Variants in STX16 observed in about 807,000 individuals in gnomAD.
STX16 encodes the protein syntaxin 16, also known as syntaxin-16.
STX16 carries 28 observed loss-of-function variants against 42.7 expected under a neutral mutation model. The observed-to-expected ratio is 0.66, with a 90% confidence interval of 0.49 to 0.90. STX16 has a LOEUF of 0.90. STX16 is among the 40% of genes least tolerant of loss of function. The probability of loss-of-function intolerance (pLI) is 0.00; values close to 1 mark genes in which losing one functional copy is unlikely to be tolerated. For synonymous variants in STX16, 156 were observed against 155.2 expected (o/e 1.00, Z -0.04); for missense variants, 361 against 420.9 (o/e 0.86, Z 1.24).
chr20:58,653,663 TA>T (rs2083523177), intron 1 of STX16, among the ~76,000 whole-genome samples: 1 of 152,234 alleles, frequency 6.6e-6, no homozygotes, highest in African/African-American at 2.4e-5. Flanking sequence ...TTCAATTCCT[TA>T]ATGGAACTTC....
Position 58,668,117 on chromosome 20 carries a change from A to C in STX16, c.383A>C (p.Glu128Ala), listed in dbSNP as rs756787371. ...CATGCCATTGAGATAACTACCCAAG[A>C]GATCACTCAGGTGAGGAGTGCAAGT... ...EEHAIEITTQ[E>A]ITQLFHRCQR... The change falls in exon 4 of 9, where the codon GAG becomes GCG. Residue 128 changes from glutamate (E) to alanine (A), a missense_variant. Glu to Ala is a moderately radical substitution (Grantham distance 107, BLOSUM62 -1). Transcript: ENST00000371141. 10 of 1,614,120 alleles carry C rather than the reference A, an allele frequency of 6.2e-6. No individual in the cohort carries two copies. Among genetic ancestry groups the C allele is most frequent in the Non-Finnish European group, 7.6e-6 (9 of 1,180,046 alleles).
chr20:58,667,679 G>A (rs1257058774), intron 3 of STX16, 82 bp downstream of exon 3: 7 of 1,246,576 alleles, frequency 5.6e-6, no homozygotes, highest in Non-Finnish European at 7.0e-6. Flanking sequence ...TCATATAAAC[G>A]AATTTGGCTA....
rs1391555123 is a variant in STX16 at position 58,669,442 on chromosome 20, G to C, written c.545G>C (p.Gly182Ala). 6.2e-7 allele frequency: 1 copy of C among 1,610,212 alleles called. No individual in the cohort carries two copies. The highest frequency in any genetic ancestry group is 1.3e-5 in the African/African-American group (1 of 74,778). ...ACCAGCTTCCGGCACGCACAGTCAG[G>C]CTACCTCAAACGTGAGTGCTGCCCG... ...LSTSFRHAQS[G>A]YLKRMKNREE... The change falls in exon 5 of 9, where the codon GGC (glycine) becomes GCC (alanine). Residue 182 changes from glycine (G) to alanine (A), a missense_variant. Gly to Ala is a moderately conservative substitution (Grantham distance 60, BLOSUM62 0). Transcript: ENST00000371141.
chr20:58,665,576 G>C (rs2083804006), intron 2 of STX16, among the ~76,000 whole-genome samples: 1 of 152,060 alleles, frequency 6.6e-6, no homozygotes, highest in South Asian at 2.1e-4. Flanking sequence ...AACTCACCTA[G>C]TTTTTATGAG....
At position 58,652,373 on chromosome 20, in the gene STX16, C is replaced by CG. The variant is rs892387918; in HGVS notation, c.132+235_132+236insG. The CG allele has an allele frequency of 7.2e-4, 355 of 494,010 alleles. 6 individuals are homozygous for CG. In the East Asian group the frequency reaches 0.013, roughly 17 times the overall value. 30.6% of individuals were successfully genotyped at this position (494,010 alleles called of 1,614,324 possible). A position where few individuals can be genotyped will look rare whatever the true frequency, so the allele number is the denominator to read the frequency against. On this transcript the variant is annotated intron_variant, in intron 1 of 8. Coordinates refer to ENST00000371141, the MANE Select transcript of STX16 (RefSeq NM_001001433.3). ...GGTCTTCTCCTCACTTCCGCAGCAC[C>CG]CCCCCCCCCGCACCCCCCGCCTTGG...
At position 58,657,071 on chromosome 20, in the gene STX16, A is replaced by G. The variant is rs978985419; in HGVS notation, c.133-2552A>G. Among the ~76,000 whole-genome samples the G allele has an allele frequency of 1.9e-3, 294 of 152,360 alleles. 3 individuals are homozygous for G. Among genetic ancestry groups the G allele is most frequent in the Non-Finnish European group, 2.5e-4 (17 of 68,036 alleles). On this transcript the variant is annotated intron_variant, in intron 1 of 8. Transcript: ENST00000371141. The surrounding 1 kb of genome is among the most constrained non-coding windows in gnomAD (Gnocchi z 4.2). ...CCACTCTGGTGTTGGCTGCATTTTC[A>G]GAACTTGTGCTGCAGATCCTGGAAA...
intron 8 of STX16, 145 bp downstream of exon 8, chr20:58,673,856 A>T (rs914320984): frequency 1.7e-6 from 1 of 575,346 alleles, no homozygotes; most frequent in African/African-American, 1.9e-5. Flanking sequence ...GGGATTCATC[A>T]TTTCATTTAA....
chr20:58,661,578 AT>A (rs1341046785), intron 2 of STX16, among the ~76,000 whole-genome samples: 1 of 152,226 alleles, frequency 6.6e-6, no homozygotes, highest in Non-Finnish European at 1.5e-5. Flanking sequence ...CAGTGCCGTT[AT>A]CTTTTTCATG....
chr20:58,672,353 T>C (rs957516880), intron 7 of STX16, among the ~76,000 whole-genome samples: 3 of 151,864 alleles, frequency 2.0e-5, no homozygotes, highest in African/African-American at 7.3e-5. Flanking sequence ...TATATATATA[T>C]TGTATAAAAT....
intron 1 of STX16, chr20:58,652,347 C>G (rs762520114): frequency 4.4e-6 from 3 of 681,380 alleles, no homozygotes; most frequent in Admixed American, 4.2e-5. Flanking sequence ...CACCTCTGCC[C>G]GGTCTTCTCC....
chr20:58,662,437 A>C (rs2083722333), intron 2 of STX16, among the ~76,000 whole-genome samples: 1 of 152,216 alleles, frequency 6.6e-6, no homozygotes, highest in South Asian at 2.1e-4. Context: ...GAAAAAAGGA[A>C]AATCAGTGAA....
At chr20:58,660,583 C>T (rs903078963) in intron 2 of STX16, among the ~76,000 whole-genome samples, 2 of 152,094 alleles carry the variant, frequency 1.3e-5, no homozygotes, top group African/African-American at 4.8e-5. Context: ...TATTGTGTAG[C>T]ATCTCTGACC....
rs1287987878 is a variant in STX16 at position 58,657,065 on chromosome 20, A to G, written c.133-2558A>G. 1.3e-5 allele frequency among the ~76,000 whole-genome samples: 2 copies of G among 152,324 alleles called. No homozygotes were observed. The highest frequency in any genetic ancestry group is 2.1e-4 in the South Asian group (1 of 4,830). On this transcript the variant is annotated intron_variant, in intron 1 of 8. Transcript: ENST00000371141. The surrounding 1 kb of genome is among the most constrained non-coding windows in gnomAD (Gnocchi z 4.2). ...CCTGGGCCACTCTGGTGTTGGCTGC[A>G]TTTTCAGAACTTGTGCTGCAGATCC...
At chr20:58,655,346 A>G (rs1265514181) in intron 1 of STX16, among the ~76,000 whole-genome samples, 1 of 152,204 alleles carries the variant, frequency 6.6e-6, no homozygotes. Context: ...CATTTTTTGC[A>G]TCCTAGTTTG....
intron 1 of STX16, among the ~76,000 whole-genome samples, chr20:58,654,048 A>G (rs1033806956): frequency 1.3e-5 from 2 of 152,174 alleles, no homozygotes; most frequent in African/African-American, 2.4e-5. Context: ...GGAAAAATAG[A>G]TATGTCAGGG....
chr20:58,660,936 G>A (rs1479167061), intron 2 of STX16, among the ~76,000 whole-genome samples: 1 of 149,234 alleles, frequency 6.7e-6, no homozygotes, highest in African/African-American at 2.5e-5. Flanking sequence ...AAAACAATTA[G>A]TTAAAAAAAA....
At chr20:58,653,244 T>C (rs1008867960) in intron 1 of STX16, among the ~76,000 whole-genome samples, 1 of 152,362 alleles carries the variant, frequency 6.6e-6, no homozygotes, top group East Asian at 1.9e-4. Flanking sequence ...TCTTAGGGAC[T>C]GTATTGCCAG....
intron 1 of STX16, among the ~76,000 whole-genome samples, chr20:58,655,821 T>G (rs2083573325): frequency 6.6e-6 from 1 of 152,198 alleles, no homozygotes; most frequent in Non-Finnish European, 1.5e-5. Context: ...TTTTTCTGTA[T>G]CCTTTTTAGA....
At chr20:58,669,205 C>A in intron 4 of STX16, 86 bp from the exon 5 acceptor site, 1 of 1,443,222 alleles carries the variant, frequency 6.9e-7, no homozygotes, top group Non-Finnish European at 9.5e-7. Flanking sequence ...GAGCCTCTCA[C>A]TTCTCACTCT....
Sources: gnomAD v4.1 joint callset for allele counts (sites outside exome capture counted in the v4.1 genomes callset) on GRCh38, gnomAD v4.1.1 for gene constraint, Gnocchi (gnomAD v3.1) non-coding constraint, MANE v1.5 for transcripts, NCBI Gene and HGNC (gene_info 2026-07-23, HGNC 2026-07-21) for gene names.